The following EYS variants were observed in gnomAD, a reference collection of about 807,000 sequenced individuals.
EYS encodes the protein EGF-like photoreceptor maintenance factor.
A neutral mutation model predicts 282.1 loss-of-function variants in EYS; 250 were observed. The ratio of observed to expected loss-of-function variants is 0.89; its 90% CI spans 0.80 to 0.98. The LOEUF (loss-of-function observed/expected upper bound fraction) is 0.98. EYS is among the 50% of genes least tolerant of loss of function. EYS has a pLI of 0.00. For synonymous variants in EYS, 1,355 were observed against 1,282.9 expected, an observed-to-expected ratio of 1.06 and a Z score of -1.20; for missense variants, 4,016 against 3,709.0, an observed-to-expected ratio of 1.08 and a Z score of -2.15.
At chr6:64,329,154 G>A (rs763716791) in intron 29 of EYS, among the ~76,000 whole-genome samples, 8 of 152,134 alleles carry the variant, frequency 5.3e-5, no homozygotes, top group Non-Finnish European at 1.5e-5. Context: ...GGACTTTATG[G>A]TCCATACTGG....
intron 26 of EYS, among the ~76,000 whole-genome samples, chr6:64,572,719 G>A (rs1765765145): frequency 6.6e-6 from 1 of 152,142 alleles, no homozygotes; most frequent in Non-Finnish European, 1.5e-5. Context: ...TACAAGGTAT[G>A]TGAAGGACCT....
At chr6:64,697,690 TC>T (rs1174229719) in intron 22 of EYS, among the ~76,000 whole-genome samples, 4 of 152,152 alleles carry the variant, frequency 2.6e-5, no homozygotes, top group Non-Finnish European at 5.9e-5. Context: ...ATGCCTGTAA[TC>T]CCAGCACTTT....
At chr6:65,467,780 G>A (rs1480332693) in intron 5 of EYS, among the ~76,000 whole-genome samples, 1 of 152,044 alleles carries the variant, frequency 6.6e-6, no homozygotes, top group Non-Finnish European at 1.5e-5. Context: ...AAATAATAGT[G>A]TGGGGGTAAT....
chr6:64,742,959 G>A (rs1459970864), intron 22 of EYS, among the ~76,000 whole-genome samples: 5 of 152,086 alleles, frequency 3.3e-5, no homozygotes, highest in Non-Finnish European at 7.4e-5. Context: ...AAATTTAGTA[G>A]TGAATACGGA....
intron 5 of EYS, among the ~76,000 whole-genome samples, chr6:65,417,628 A>T (rs973160442): frequency 1.3e-5 from 2 of 152,088 alleles, no homozygotes; most frequent in Admixed American, 1.3e-4. Flanking sequence ...GAAAGCAAAG[A>T]TTACACATAA....
At chr6:64,128,428 A>T (rs148041162) in intron 31 of EYS, among the ~76,000 whole-genome samples, 2 of 152,266 alleles carry the variant, frequency 1.3e-5, no homozygotes, top group African/African-American at 4.8e-5. Context: ...GAAATCAACA[A>T]TGCTAAAGGA....
chr6:64,731,468 G>GA (rs1771962236), intron 22 of EYS, among the ~76,000 whole-genome samples: 2 of 152,208 alleles, frequency 1.3e-5, no homozygotes, highest in South Asian at 4.2e-4. Flanking sequence ...AAATGTACAA[G>GA]AAAAATACAA....
At chr6:64,407,356 G>A (rs1773751912) in intron 28 of EYS, among the ~76,000 whole-genome samples, 1 of 148,620 alleles carries the variant, frequency 6.7e-6, no homozygotes, top group Non-Finnish European at 1.5e-5. Flanking sequence ...TAGATGACGG[G>A]TTGATGGGTG....
intron 5 of EYS, among the ~76,000 whole-genome samples, chr6:65,428,281 A>G (rs1253329848): frequency 2.6e-5 from 4 of 152,144 alleles, no homozygotes; most frequent in African/African-American, 4.8e-5. Context: ...TTTATATGAC[A>G]GTATTTTTTA....
At chr6:64,932,941 T>C (rs188071430) in intron 15 of EYS, among the ~76,000 whole-genome samples, 1 of 152,198 alleles carries the variant, frequency 6.6e-6, no homozygotes, top group African/African-American at 2.4e-5. Flanking sequence ...GAGCAAGATT[T>C]GATTTCCAGA....
intron 31 of EYS, among the ~76,000 whole-genome samples, chr6:64,219,430 C>A (rs1298720053): frequency 6.6e-6 from 1 of 152,148 alleles, no homozygotes; most frequent in Non-Finnish European, 1.5e-5. Flanking sequence ...TCTACCAAGT[C>A]AGGTCATTTA....
chr6:64,467,772 T>C (rs1775973869), intron 26 of EYS, among the ~76,000 whole-genome samples: 1 of 151,788 alleles, frequency 6.6e-6, no homozygotes, highest in Non-Finnish European at 1.5e-5. Flanking sequence ...AATAAGGGAG[T>C]GCCCACCCCA....
rs1770148474 is a variant in EYS at position 64,686,847 on chromosome 6, A to ATATACACACACATATATACGTGTG, written c.3444-60603_3444-60602insCACACGTATATATGTGTGTGTATA. 5.7e-5 allele frequency among the ~76,000 whole-genome samples: 6 copies of ATATACACACACATATATACGTGTG among 104,412 alleles called. 1 individual carries two copies. Among genetic ancestry groups the ATATACACACACATATATACGTGTG allele is most frequent in the Non-Finnish European group, 1.9e-5 (1 of 52,522 alleles). 68.5% of individuals were successfully genotyped at this position (104,412 alleles called of 152,430 possible). A position where few individuals can be genotyped will look rare whatever the true frequency, so the allele number is the denominator to read the frequency against. The stretch of plus-strand genomic sequence containing the variant: ...TGTATATATATATATACGTGTATAT[A>ATATACACACACATATATACGTGTG]TATATATGTGTATATATATACGTGT... On this transcript the variant is annotated intron_variant, in intron 22 of 42. Coordinates refer to ENST00000503581, the MANE Select transcript of EYS (RefSeq NM_001142800.2).
At chr6:63,771,366 AG>A (rs1282404360) in intron 40 of EYS, among the ~76,000 whole-genome samples, 6 of 152,186 alleles carry the variant, frequency 3.9e-5, no homozygotes, top group Non-Finnish European at 7.3e-5. Flanking sequence ...GGTGACCAAA[AG>A]ACAAGTTGGA....
At chr6:64,824,801 T>G (rs959968563) in intron 19 of EYS, among the ~76,000 whole-genome samples, 11 of 151,892 alleles carry the variant, frequency 7.2e-5, no homozygotes, top group African/African-American at 2.4e-4. Context: ...ATGTCTCAGT[T>G]TAGCTAGAGA....
intron 2 of EYS, among the ~76,000 whole-genome samples, chr6:65,570,055 AC>A (rs1182504095): frequency 7.2e-5 from 11 of 151,882 alleles, no homozygotes; most frequent in African/African-American, 2.4e-4. Context: ...CTAAGTATGG[AC>A]TCTTATTCCA....
chr6:64,898,911 C>T (rs1031235590), intron 18 of EYS, among the ~76,000 whole-genome samples: 2 of 151,674 alleles, frequency 1.3e-5, no homozygotes, highest in African/African-American at 4.9e-5. Context: ...AGCTAACTAT[C>T]CCAAATATAT....
intron 22 of EYS, among the ~76,000 whole-genome samples, chr6:64,766,649 A>AAAAAAAATATATATATATATATAT (rs1387919586): frequency 1.0e-4 from 2 of 19,068 alleles, no homozygotes; most frequent in African/African-American, 3.6e-4. Context: ...AAAAAAAAAA[A>AAAAAAAATATATATATATATATAT]ATATATATAT....
At chr6:64,041,249 G>A (rs1035759269) in intron 33 of EYS, among the ~76,000 whole-genome samples, 1 of 151,870 alleles carries the variant, frequency 6.6e-6, no homozygotes, top group East Asian at 1.9e-4. Context: ...TGTGTGTGTG[G>A]TGTGTATAGT....
Sources: allele counts gnomAD v4.1 joint callset (sites outside exome capture counted in the v4.1 genomes callset), GRCh38; gene constraint gnomAD v4.1.1; transcripts MANE v1.5; gene names NCBI Gene and HGNC (gene_info 2026-07-23, HGNC 2026-07-21).